SEZ6: variants seen among roughly 807,000 people sequenced by gnomAD.
SEZ6 encodes seizure protein 6 homolog.
Under a neutral mutation model 101.0 loss-of-function variants are expected in SEZ6, and 53 were observed. The ratio of observed to expected loss-of-function variants is 0.52; its 90% confidence interval spans 0.42 to 0.66. The LOEUF (loss-of-function observed/expected upper bound fraction) is 0.66, where lower values mean the gene tolerates loss of function less well. Among genes scored for constraint, SEZ6 ranks in the 30% least tolerant of loss-of-function variants. SEZ6 has a pLI of 0.00. For missense variants in SEZ6, 1,102 were observed against 1,289.4 expected (o/e 0.85, Z 2.23); for synonymous variants, 488 against 512.2 (o/e 0.95, Z 0.64).
At chr17:28,976,612 C>A (rs1335521455) in intron 3 of SEZ6, among the ~76,000 whole-genome samples, 1 of 152,214 alleles carries the variant, frequency 6.6e-6, no homozygotes, top group Non-Finnish European at 1.5e-5. Flanking sequence ...TCCAGCTGCC[C>A]ACCCATCCTG....
chr17:29,004,966 T>A (rs1047468993), intron 1 of SEZ6, among the ~76,000 whole-genome samples: 1 of 152,020 alleles, frequency 6.6e-6, no homozygotes, highest in African/African-American at 2.4e-5. Context: ...GGCGCGGGGA[T>A]TCTCAGGGTG....
intron 5 of SEZ6, among the ~76,000 whole-genome samples, chr17:28,961,277 T>C (rs920828513): frequency 1.3e-5 from 2 of 152,082 alleles, no homozygotes; most frequent in Non-Finnish European, 2.9e-5. Flanking sequence ...TAAGTCACTT[T>C]CCCTCTCTGC....
intron 1 of SEZ6, among the ~76,000 whole-genome samples, chr17:28,983,438 G>A (rs2041337555): frequency 6.6e-6 from 1 of 152,094 alleles, no homozygotes; most frequent in East Asian, 1.9e-4. Flanking sequence ...CTGGTCCTTA[G>A]CAACTTCCCT....
chr17:28,972,160 A>G (rs866150399), intron 3 of SEZ6, among the ~76,000 whole-genome samples: 4 of 152,212 alleles, frequency 2.6e-5, no homozygotes, highest in South Asian at 2.1e-4. Context: ...TCTGCCTCCC[A>G]GGCTAGGCCA....
At position 28,964,064 on chromosome 17, in the gene SEZ6, G is replaced by A. The variant is rs775352447; in HGVS notation, c.1138C>T (p.Arg380Cys). 1.8e-5 allele frequency: 29 copies of A among 1,609,436 alleles called. 1 individual carries two copies. Among genetic ancestry groups the A allele is most frequent in the Middle Eastern group, 1.6e-4 (1 of 6,082 alleles). ...VTSLHPGGSA[R>C]FHCATGYQLK... is the part of the protein sequence containing the mutation. ...TGGTAGCCAGTGGCACAATGGAAGC[G>A]GGCACTACCCCCTGGGTGGAGGCTG... is the stretch of plus-strand genomic sequence containing the variant. Residue 380 changes from arginine to cysteine, a missense_variant, in exon 5 of 17, where the codon CGC (arginine) becomes TGC (cysteine). Physicochemically the swap from Arg to Cys is radical, Grantham distance 180 (BLOSUM62 -3). Around this residue, in one of 3 missense-constraint regions of SEZ6, gnomAD observed 556 missense variants for 735.1 expected, o/e 0.76. Transcript: ENST00000317338.
rs35028548 is a variant in SEZ6, at chr17:28,966,319, C to CAAA, written c.1055-2175_1055-2173dup. 1.3e-3 allele frequency among the ~76,000 whole-genome samples: 162 copies of CAAA among 127,344 alleles called. No individual in the cohort carries two copies. The East Asian group carries it at 0.018, about 14-fold the overall frequency. 83.5% of individuals were successfully genotyped at this position (127,344 alleles called of 152,430 possible). On this transcript the variant is annotated intron_variant, in intron 4 of 16. Coordinates refer to ENST00000317338, the MANE Select transcript of SEZ6 (RefSeq NM_178860.5). Reference sequence around the variant, plus strand: ...TAAAACCCCATCTCTACTAAAAATACAAAAAAAAAAAAAATGATCTGGGCA... The same window carrying CAAA: ...TAAAACCCCATCTCTACTAAAAATACAAAAAAAAAAAAAAAAATGATCTGGGCA...
At position 28,956,015 on chromosome 17, in the gene SEZ6, G is replaced by A. The variant is rs759654673; in HGVS notation, c.2953-21C>T. 4 of 1,612,132 alleles carry A rather than the reference G, an allele frequency of 2.5e-6. No individual in the cohort carries two copies. In the Admixed American group the frequency reaches 6.7e-5, roughly 27 times the overall value. ...AGAGACTGCTGGGAGTTGGAAACTT[G>A]TATTAGGTTTGCCAGGCCATAATTC... On this transcript the variant is annotated intron_variant, in intron 16 of 16. Transcript: ENST00000317338.
intron 1 of SEZ6, among the ~76,000 whole-genome samples, chr17:28,985,038 C>T (rs1424868466): frequency 6.6e-6 from 1 of 152,184 alleles, no homozygotes; most frequent in Admixed American, 6.5e-5. Context: ...TTACAAAGAC[C>T]TGAAGCCTAG....
chr17:29,005,758 C>T lies in SEZ6; in HGVS notation c.55+57G>A. Reference sequence around the variant, plus strand: ...AAGCTGGGCACCGGGTCTCCCTTCCCACCCCTGGGGCCCCGCTCCCGCCCC... The same window carrying T: ...AAGCTGGGCACCGGGTCTCCCTTCCTACCCCTGGGGCCCCGCTCCCGCCCC... On this transcript the variant is annotated intron_variant, in intron 1 of 16. Coordinates refer to ENST00000317338, the MANE Select transcript of SEZ6 (RefSeq NM_178860.5). This position sits in a 1 kb window ranked among gnomAD's most constrained non-coding sequence, Gnocchi z 4.8. 1.4e-6 allele frequency: 2 copies of T among 1,460,428 alleles called. No individual in the cohort carries two copies. Among genetic ancestry groups the T allele is most frequent in the Non-Finnish European group, 1.8e-6 (2 of 1,102,810 alleles). 90.5% of individuals were successfully genotyped at this position (1,460,428 alleles called of 1,614,324 possible). A position where few individuals can be genotyped will look rare whatever the true frequency, so the allele number is the denominator to read the frequency against.
At chr17:28,966,937 C>T (rs2041079427) in intron 4 of SEZ6, among the ~76,000 whole-genome samples, 1 of 152,168 alleles carries the variant, frequency 6.6e-6, no homozygotes, top group South Asian at 2.1e-4. Flanking sequence ...TTGTGCTTGG[C>T]AGGCAGTACA....
intron 1 of SEZ6, among the ~76,000 whole-genome samples, chr17:29,002,658 A>T (rs1417192790): frequency 6.6e-6 from 1 of 151,948 alleles, no homozygotes; most frequent in Non-Finnish European, 1.5e-5. Context: ...CCCCAGTACC[A>T]CTTCCTGATC....
chr17:28,962,279 T>C (rs1177748938), intron 5 of SEZ6, among the ~76,000 whole-genome samples: 1 of 152,216 alleles, frequency 6.6e-6, no homozygotes, highest in East Asian at 1.9e-4. Context: ...TGCTGTCTCC[T>C]TGGGAAGCCT....
intron 3 of SEZ6, among the ~76,000 whole-genome samples, chr17:28,974,939 G>A (rs1390868073): frequency 6.6e-6 from 1 of 152,220 alleles, no homozygotes; most frequent in Non-Finnish European, 1.5e-5. Context: ...GACCAGTTGA[G>A]GGGCCTTAGG....
chr17:28,994,562 C>CCA (rs2041510022), intron 1 of SEZ6, among the ~76,000 whole-genome samples: 1 of 152,172 alleles, frequency 6.6e-6, no homozygotes, highest in Non-Finnish European at 1.5e-5. Context: ...GCGCCCGCCA[C>CCA]TGAGCCTGGC....
At chr17:28,956,987 C>G in intron 13 of SEZ6, 58 bp downstream of exon 13, 2 of 1,491,932 alleles carry the variant, frequency 1.3e-6, no homozygotes, top group Non-Finnish European at 1.8e-6. Context: ...CATTGGACAT[C>G]TTTGCCAGAG....
At chr17:28,974,223 G>A (rs765195217) in intron 3 of SEZ6, among the ~76,000 whole-genome samples, 3 of 152,118 alleles carry the variant, frequency 2.0e-5, no homozygotes, top group Non-Finnish European at 4.4e-5. Context: ...TCTTGTGTGC[G>A]ATCCCCACCC....
chr17:28,968,760 C>T (rs995089831), intron 4 of SEZ6, among the ~76,000 whole-genome samples: 2 of 152,132 alleles, frequency 1.3e-5, no homozygotes, highest in African/African-American at 4.8e-5. Context: ...TGCAGGACTG[C>T]GGAAGTGGTC....
At chr17:29,002,080 T>A (rs1026624764) in intron 1 of SEZ6, among the ~76,000 whole-genome samples, 2 of 150,336 alleles carry the variant, frequency 1.3e-5, no homozygotes, top group African/African-American at 4.9e-5. Flanking sequence ...TTCTGCACCC[T>A]CTTTCTTCTT....
intron 16 of SEZ6, 71 bp downstream of exon 16, chr17:28,956,088 C>T (rs2040873375): frequency 1.9e-6 from 3 of 1,596,744 alleles, no homozygotes; most frequent in Non-Finnish European, 2.6e-6. Flanking sequence ...GCAGGACCCT[C>T]AGGGTTATCT....
Sources: gnomAD v4.1 joint callset for allele counts (sites outside exome capture counted in the v4.1 genomes callset) on GRCh38, gnomAD v4.1.1 for gene constraint, gnomAD v4.1.1 regional missense constraint, Gnocchi (gnomAD v3.1) non-coding constraint, MANE v1.5 for transcripts, NCBI Gene and HGNC (gene_info 2026-07-23, HGNC 2026-07-21) for gene names.